Variants in ITFG1 observed in about 807,000 individuals in gnomAD.
The protein encoded by ITFG1 is integrin alpha FG-GAP repeat containing 1.
Under a neutral mutation model 81.8 loss-of-function variants are expected in ITFG1, and 34 were observed. That is an observed-to-expected ratio of 0.42 (90% CI 0.32 to 0.55). The LOEUF is 0.55. Among genes scored for constraint, ITFG1 ranks in the 20% least tolerant of loss-of-function variants. ITFG1 has a pLI of 0.17. For missense variants in ITFG1, 672 were observed against 755.4 expected, an observed-to-expected ratio of 0.89 and a Z score of 1.29; for synonymous variants, 285 against 270.6, an observed-to-expected ratio of 1.05 and a Z score of -0.52.
chr16:47,305,941 A>C (rs554587661), intron 10 of ITFG1, among the ~76,000 whole-genome samples: 22 of 152,340 alleles, frequency 1.4e-4, no homozygotes, highest in African/African-American at 4.8e-4. Flanking sequence ...CAGAGAAATC[A>C]GTAAACCCTG....
intron 14 of ITFG1, among the ~76,000 whole-genome samples, chr16:47,192,003 C>A (rs987836212): frequency 1.3e-5 from 2 of 152,128 alleles, no homozygotes; most frequent in East Asian, 1.9e-4. Context: ...CAGTCTCGAA[C>A]CCCTGGGCTC....
At chr16:47,183,448 GCCT>G (rs1363011561) in intron 14 of ITFG1, among the ~76,000 whole-genome samples, 1 of 152,208 alleles carries the variant, frequency 6.6e-6, no homozygotes, top group Non-Finnish European at 1.5e-5. Context: ...CGGGCAGACT[GCCT>G]CCTCAAGTGG....
intron 13 of ITFG1, among the ~76,000 whole-genome samples, chr16:47,234,158 G>T (rs1218500206): frequency 6.6e-6 from 1 of 152,102 alleles, no homozygotes; most frequent in Non-Finnish European, 1.5e-5. Context: ...GACAAAGGAA[G>T]TATCAAAACA....
intron 13 of ITFG1, among the ~76,000 whole-genome samples, chr16:47,220,759 T>C (rs946817612): frequency 1.3e-5 from 2 of 152,160 alleles, no homozygotes; most frequent in Non-Finnish European, 2.9e-5. Context: ...AAGTGCAAGG[T>C]AGACCAATAT....
intron 14 of ITFG1, among the ~76,000 whole-genome samples, chr16:47,179,631 T>C (rs563339729): frequency 1.0e-4 from 15 of 147,472 alleles, no homozygotes; most frequent in African/African-American, 3.2e-4. Flanking sequence ...CATAAAGTTG[T>C]TTTTATTTAA....
chr16:47,368,767 T>C (rs1286145384), intron 7 of ITFG1, among the ~76,000 whole-genome samples: 1 of 152,086 alleles, frequency 6.6e-6, no homozygotes, highest in African/African-American at 2.4e-5. Context: ...TCTAGAAATA[T>C]ATAGATATAA....
chr16:47,287,791 T>C (rs1567446621), intron 10 of ITFG1, among the ~76,000 whole-genome samples: 1 of 152,214 alleles, frequency 6.6e-6, no homozygotes, highest in Non-Finnish European at 1.5e-5. Flanking sequence ...ACTAATGATG[T>C]TAAGCAAATT....
At chr16:47,399,096 A>G (rs746633579) in intron 6 of ITFG1, among the ~76,000 whole-genome samples, 6 of 152,250 alleles carry the variant, frequency 3.9e-5, no homozygotes, top group Non-Finnish European at 8.8e-5. Flanking sequence ...AAATGTTACC[A>G]AAGTGTAAAT....
chr16:47,302,254 A>G (rs1967087911), intron 10 of ITFG1, among the ~76,000 whole-genome samples: 1 of 152,164 alleles, frequency 6.6e-6, no homozygotes, highest in South Asian at 2.1e-4. Context: ...CAAAATTTGT[A>G]TTCATATTTA....
In ITFG1 at chr16:47,182,137, T is replaced by C. The variant is rs189379750; in HGVS notation, c.1454-19473A>G. Among the ~76,000 whole-genome samples, 630 of 151,320 alleles carry C rather than the reference T, an allele frequency of 4.2e-3. 4 individuals are homozygous for C. Among genetic ancestry groups the C allele is most frequent in the African/African-American group, 0.015 (607 of 41,162 alleles). ...TCCCTCCACTATTGTCCTATGACCC[T>C]GTCAAATCCCCCTCTGCGAGAAACA... On this transcript the variant is annotated intron_variant, in intron 14 of 17. Coordinates refer to ENST00000320640, the MANE Select transcript of ITFG1 (RefSeq NM_030790.5).
intron 12 of ITFG1, among the ~76,000 whole-genome samples, chr16:47,256,107 T>C (rs1366939633): frequency 1.3e-5 from 2 of 152,028 alleles, no homozygotes; most frequent in African/African-American, 2.4e-5. Context: ...AGGACTACAG[T>C]CACGCGTCAC....
intron 8 of ITFG1, among the ~76,000 whole-genome samples, chr16:47,321,347 G>A (rs1229370869): frequency 2.0e-5 from 3 of 151,840 alleles, no homozygotes; most frequent in Admixed American, 6.6e-5. Flanking sequence ...TAGAGATAAG[G>A]GATATATGAC....
intron 12 of ITFG1, among the ~76,000 whole-genome samples, chr16:47,240,216 G>C (rs1965917429): frequency 1.3e-5 from 2 of 148,654 alleles, no homozygotes; most frequent in African/African-American, 2.5e-5. Flanking sequence ...AGGATCACTT[G>C]AGCCGGGAAG....
At chr16:47,347,510 A>C (rs912790832) in intron 8 of ITFG1, among the ~76,000 whole-genome samples, 1 of 152,176 alleles carries the variant, frequency 6.6e-6, no homozygotes, top group African/African-American at 2.4e-5. Flanking sequence ...GGCGCCCACC[A>C]TTGCTGAGGA....
chr16:47,455,478 C>G (rs151057620), intron 2 of ITFG1, among the ~76,000 whole-genome samples: 1 of 151,468 alleles, frequency 6.6e-6, no homozygotes, highest in Non-Finnish European at 1.5e-5. Context: ...AAATGTGACA[C>G]CTGGCTGGGC....
At chr16:47,253,741 T>C (rs544604393) in intron 12 of ITFG1, among the ~76,000 whole-genome samples, 29 of 152,254 alleles carry the variant, frequency 1.9e-4, no homozygotes, top group African/African-American at 6.5e-4. Context: ...ATGCTACTGC[T>C]GCTCTGACAG....
chr16:47,225,087 A>C (rs1480798185), intron 13 of ITFG1, among the ~76,000 whole-genome samples: 1 of 152,242 alleles, frequency 6.6e-6, no homozygotes, highest in Non-Finnish European at 1.5e-5. Flanking sequence ...TCACCACAGT[A>C]ACAATAAAGA....
chr16:47,190,938 G>A (rs1046222421), intron 14 of ITFG1, among the ~76,000 whole-genome samples: 1 of 152,126 alleles, frequency 6.6e-6, no homozygotes, highest in Non-Finnish European at 1.5e-5. Context: ...TCATCCTGAA[G>A]GAGAATAGCC....
At chr16:47,336,202 A>C (rs1967701775) in intron 8 of ITFG1, among the ~76,000 whole-genome samples, 1 of 152,220 alleles carries the variant, frequency 6.6e-6, no homozygotes, top group Non-Finnish European at 1.5e-5. Flanking sequence ...CAGCTCCTGG[A>C]TCTCTCACAG....
Sources: allele counts gnomAD v4.1 joint callset (sites outside exome capture counted in the v4.1 genomes callset), GRCh38; gene constraint gnomAD v4.1.1; transcripts MANE v1.5; gene names NCBI Gene and HGNC (gene_info 2026-07-23, HGNC 2026-07-21).